Variants in NRG3 observed in about 807,000 individuals in gnomAD.
NRG3 encodes neuregulin 3, also known as pro-neuregulin-3, membrane-bound isoform.
NRG3 carries 31 observed loss-of-function variants against 66.9 expected under a neutral mutation model. The ratio of observed to expected loss-of-function variants is 0.46; its 90% CI spans 0.35 to 0.63. The LOEUF (loss-of-function observed/expected upper bound fraction) is 0.63. Among genes scored for constraint, NRG3 ranks in the 20% least tolerant of loss-of-function variants. The probability of loss-of-function intolerance (pLI) is 0.00; values close to 1 mark genes in which losing one functional copy is unlikely to be tolerated. For missense variants in NRG3, 910 were observed against 878.9 expected, an observed-to-expected ratio of 1.04 and a Z score of -0.45; for synonymous variants, 393 against 359.4, an observed-to-expected ratio of 1.09 and a Z score of -1.06.
chr10:82,754,112 G>A (rs1383181493), intron 3 of NRG3, among the ~76,000 whole-genome samples: 3 of 151,398 alleles, frequency 2.0e-5, no homozygotes, highest in African/African-American at 7.3e-5. Flanking sequence ...CATTTAATTA[G>A]TAATATTATT....
At chr10:82,295,253 G>T (rs992547812) in intron 1 of NRG3, among the ~76,000 whole-genome samples, 1 of 152,062 alleles carries the variant, frequency 6.6e-6, no homozygotes. Flanking sequence ...AATATGACTC[G>T]TTTCATTTAA....
intron 2 of NRG3, among the ~76,000 whole-genome samples, chr10:82,397,000 T>G (rs1300738356): frequency 6.6e-6 from 1 of 152,312 alleles, no homozygotes; most frequent in Admixed American, 6.5e-5. Flanking sequence ...CTCATTCTTG[T>G]CTTTCTGTGA....
intron 1 of NRG3, among the ~76,000 whole-genome samples, chr10:81,900,498 A>G (rs1442660042): frequency 6.6e-6 from 1 of 152,236 alleles, no homozygotes; most frequent in Non-Finnish European, 1.5e-5. Flanking sequence ...ATCCAGTGTC[A>G]TGTCCTGAGA....
At chr10:81,976,878 G>A (rs10509440) in intron 1 of NRG3, among the ~76,000 whole-genome samples, 14,190 of 152,140 alleles carry the variant, frequency 0.093, 928 homozygotes, top group African/African-American at 0.19. Flanking sequence ...AAAATGAAGA[G>A]CATCTGATAA....
chr10:82,892,003 T>C (rs1843194050), intron 4 of NRG3, among the ~76,000 whole-genome samples: 1 of 152,148 alleles, frequency 6.6e-6, no homozygotes, highest in Admixed American at 6.5e-5. Context: ...TTACTCAATC[T>C]ATTTGTATCA....
At chr10:81,878,658 C>A (rs992384987) in intron 1 of NRG3, among the ~76,000 whole-genome samples, 8 of 152,116 alleles carry the variant, frequency 5.3e-5, no homozygotes, top group African/African-American at 1.9e-4. Context: ...TTTTCCCCAG[C>A]TCCTACCTCC....
intron 2 of NRG3, among the ~76,000 whole-genome samples, chr10:82,648,075 T>C (rs1374712464): frequency 1.3e-5 from 2 of 150,500 alleles, no homozygotes; most frequent in Admixed American, 6.6e-5. Context: ...ATGAAGTCCT[T>C]GCCCATGCCT....
chr10:82,166,715 T>C (rs961763033), intron 1 of NRG3: 3 of 588,996 alleles, frequency 5.1e-6, no homozygotes, highest in Non-Finnish European at 9.2e-6. Flanking sequence ...TGCTCTTCAT[T>C]CTTTTGTTTA....
intron 2 of NRG3, among the ~76,000 whole-genome samples, chr10:82,627,027 T>C (rs2049476366): frequency 6.6e-6 from 1 of 152,096 alleles, no homozygotes; most frequent in African/African-American, 2.4e-5. Flanking sequence ...CATATTGATG[T>C]TCATTGTAGT....
chr10:82,332,932 T>C (rs980427340), intron 1 of NRG3, among the ~76,000 whole-genome samples: 3 of 152,176 alleles, frequency 2.0e-5, no homozygotes, highest in Non-Finnish European at 4.4e-5. Context: ...TGGTGCAATA[T>C]CCTCACCCTA....
intron 2 of NRG3, among the ~76,000 whole-genome samples, chr10:82,483,198 A>G (rs1206494612): frequency 2.0e-5 from 3 of 152,202 alleles, no homozygotes; most frequent in African/African-American, 7.2e-5. Flanking sequence ...GGCCTTTGCT[A>G]GAGAACTGGA....
chr10:82,771,229 A>T (rs2059701332), intron 3 of NRG3, among the ~76,000 whole-genome samples: 1 of 152,178 alleles, frequency 6.6e-6, no homozygotes, highest in African/African-American at 2.4e-5. Context: ...AATATGAGAT[A>T]AAATTTGACA....
chr10:81,893,413 T>C (rs1166553753), intron 1 of NRG3, among the ~76,000 whole-genome samples: 8 of 152,088 alleles, frequency 5.3e-5, no homozygotes, highest in African/African-American at 1.9e-4. Flanking sequence ...TTATATAAAA[T>C]TATGCCCTGA....
chr10:82,323,327 G>A (rs1005078639), intron 1 of NRG3, among the ~76,000 whole-genome samples: 2 of 152,200 alleles, frequency 1.3e-5, no homozygotes, highest in Admixed American at 1.3e-4. Flanking sequence ...CTCAGACACA[G>A]TGTATGCTGG....
intron 1 of NRG3, among the ~76,000 whole-genome samples, chr10:82,320,045 T>C (rs1480244934): frequency 1.3e-5 from 2 of 152,188 alleles, no homozygotes; most frequent in Non-Finnish European, 2.9e-5. Flanking sequence ...CTGATTGTCT[T>C]CTGATATTTC....
chr10:82,191,816 C>A (rs1314823396), intron 1 of NRG3, among the ~76,000 whole-genome samples: 1 of 152,138 alleles, frequency 6.6e-6, no homozygotes, highest in Non-Finnish European at 1.5e-5. Context: ...TTCTTTTATG[C>A]AAATGTGACC....
At chr10:82,523,897 T>G (rs1005529796) in intron 2 of NRG3, among the ~76,000 whole-genome samples, 4 of 152,146 alleles carry the variant, frequency 2.6e-5, no homozygotes, top group Non-Finnish European at 5.9e-5. Flanking sequence ...TGTGTTCTCA[T>G]TAGTCATCCG....
chr10:82,383,664 A>T (rs1360609054), intron 2 of NRG3, among the ~76,000 whole-genome samples: 1 of 152,120 alleles, frequency 6.6e-6, no homozygotes, highest in East Asian at 1.9e-4. Flanking sequence ...AATATAAAAG[A>T]GGGGATTACT....
intron 3 of NRG3, among the ~76,000 whole-genome samples, chr10:82,813,741 TCAC>T (rs1423358442): frequency 1.3e-5 from 2 of 152,194 alleles, no homozygotes; most frequent in Admixed American, 6.5e-5. Flanking sequence ...CTAGATCTGA[TCAC>T]GTTTCAGAAT....
Sources: gnomAD v4.1 joint callset for allele counts (sites outside exome capture counted in the v4.1 genomes callset) on GRCh38, gnomAD v4.1.1 for gene constraint, MANE v1.5 for transcripts, NCBI Gene and HGNC (gene_info 2026-07-23, HGNC 2026-07-21) for gene names.